Variants in PITPNM3 observed in about 807,000 individuals in gnomAD.
The protein encoded by PITPNM3 is PITPNM family member 3, also known as membrane-associated phosphatidylinositol transfer protein 3.
Under a neutral mutation model 102.0 loss-of-function variants are expected in PITPNM3, and 26 were observed. The ratio of observed to expected loss-of-function variants is 0.25; its 90% CI spans 0.19 to 0.35. The LOEUF is 0.35. Among genes scored for constraint, PITPNM3 ranks in the 10% least tolerant of loss-of-function variants. PITPNM3 has a pLI of 1.00. For missense variants in PITPNM3, 1,083 were observed against 1,346.1 expected, an observed-to-expected ratio of 0.80 and a Z score of 3.06; for synonymous variants, 578 against 558.6, an observed-to-expected ratio of 1.03 and a Z score of -0.49.
intron 2 of PITPNM3, among the ~76,000 whole-genome samples, chr17:6,530,455 A>G (rs1909082806): frequency 6.6e-6 from 1 of 152,182 alleles, no homozygotes; most frequent in African/African-American, 2.4e-5. Flanking sequence ...CCAGCTCCTC[A>G]GGCCCCAGCC....
rs1341277254 is a variant in PITPNM3 at position 6,470,504 on chromosome 17, C to T, written c.1625-96G>A. ...CCATTGCACAGACTGGTGGTGGATG[C>T]CCCACGTGGGGCACGGGTTTGGGCG... is the stretch of plus-strand genomic sequence containing the variant. On this transcript the variant is annotated intron_variant, in intron 12 of 19. Coordinates refer to ENST00000262483, the MANE Select transcript of PITPNM3 (RefSeq NM_031220.4). This position sits in a 1 kb window ranked among gnomAD's most constrained non-coding sequence, Gnocchi z 4.8. 2.6e-6 allele frequency: 4 copies of T among 1,548,066 alleles called. No individual in the cohort carries two copies. The highest frequency in any genetic ancestry group is 1.7e-4 in the Middle Eastern group (1 of 5,736).
rs56855120 is a variant in PITPNM3 at position 6,482,040 on chromosome 17, GTCTC to G, written c.587+1473_587+1476del. Among the ~76,000 whole-genome samples, 209 of 55,130 alleles carry G rather than the reference GTCTC, an allele frequency of 3.8e-3. 4 individuals carry two copies. The highest frequency in any genetic ancestry group is 0.01 in the Middle Eastern group (1 of 96). 36.2% of individuals were successfully genotyped at this position (55,130 alleles called of 152,430 possible). A position where few individuals can be genotyped will look rare whatever the true frequency, so the allele number is the denominator to read the frequency against. On this transcript the variant is annotated intron_variant, in intron 6 of 19. Coordinates refer to ENST00000262483, the MANE Select transcript of PITPNM3 (RefSeq NM_031220.4). ...TCTCTCTCTCTCTCTCTCTCTGTCTGTCTCTCTCTCTCTCTCTCTCTCTCTGTCT... is the reference window on the plus strand; with the variant it reads ...TCTCTCTCTCTCTCTCTCTCTGTCTGTCTCTCTCTCTCTCTCTCTCTGTCT...
chr17:6,477,904 A>G, intron 8 of PITPNM3, 71 bp downstream of exon 8: 1 of 1,597,846 alleles, frequency 6.3e-7, no homozygotes, highest in Non-Finnish European at 8.5e-7. Flanking sequence ...AAGAACCAGC[A>G]CTCTCTCCCC....
chr17:6,463,994 C>T (rs986520177), intron 16 of PITPNM3, 113 bp from the exon 17 acceptor site: 27 of 1,548,676 alleles, frequency 1.7e-5, no homozygotes, highest in Non-Finnish European at 2.4e-5. Flanking sequence ...GGTCAGAGAG[C>T]ACCTGGGTGG....
At chr17:6,482,128 C>A (rs1905777595) in intron 6 of PITPNM3, among the ~76,000 whole-genome samples, 1 of 149,774 alleles carries the variant, frequency 6.7e-6, no homozygotes, top group South Asian at 2.1e-4. Context: ...TGAAGAAATT[C>A]TCTGATCTCC....
At chr17:6,532,197 C>T (rs1190057383) in intron 2 of PITPNM3, among the ~76,000 whole-genome samples, 1 of 152,072 alleles carries the variant, frequency 6.6e-6, no homozygotes, top group Non-Finnish European at 1.5e-5. Flanking sequence ...CCCCTGGATT[C>T]GCAGGTGGCT....
intron 2 of PITPNM3, among the ~76,000 whole-genome samples, chr17:6,536,075 GAAAAAAAAAGAAA>G (rs914785623): frequency 1.5e-5 from 2 of 136,372 alleles, no homozygotes; most frequent in East Asian, 4.2e-4. Flanking sequence ...AAAAAAAAAG[GAAAAAAAAAGAAA>G]AAAAAAAAAG....
intron 1 of PITPNM3, among the ~76,000 whole-genome samples, chr17:6,542,725 C>T (rs1909798840): frequency 3.3e-5 from 5 of 152,078 alleles, no homozygotes; most frequent in Admixed American, 3.3e-4. Context: ...TTGTCAGCGA[C>T]AGGACCAAGG....
Position 6,471,210 on chromosome 17 carries a change from G to C in PITPNM3, c.1575C>G (p.Ser525Arg). The change falls in exon 12 of 20, where the codon AGC becomes AGG. Residue 525 changes from serine to arginine, a missense_variant. By Grantham distance (110) the Ser-to-Arg change is moderately radical. Transcript: ENST00000262483. The stretch of plus-strand genomic sequence containing the variant: ...TGCTGTCCGAGGACTCCGAGCTCTC[G>C]CTGTGGGAGCTCCCCTCGCTCATCC... ...GRRMSEGSSH[S>R]ESSESSDSMA... The C allele has an allele frequency of 6.2e-7, 1 of 1,613,284 alleles. No homozygotes were observed. Among genetic ancestry groups the C allele is most frequent in the Non-Finnish European group, 8.5e-7 (1 of 1,179,994 alleles).
In PITPNM3 at chr17:6,494,301, G is replaced by A. The variant is rs532504404; in HGVS notation, c.274+9226C>T. Reference sequence around the variant, plus strand: ...TCTTTGCTCTTACTAATCCCTTCACGCCACAGCCCTGCCTCCTCAGGGAGA... The same window carrying A: ...TCTTTGCTCTTACTAATCCCTTCACACCACAGCCCTGCCTCCTCAGGGAGA... On this transcript the variant is annotated intron_variant, in intron 4 of 19. Coordinates refer to ENST00000262483, the MANE Select transcript of PITPNM3 (RefSeq NM_031220.4). Among the ~76,000 whole-genome samples, 7 of 152,298 alleles carry A rather than the reference G, an allele frequency of 4.6e-5. No individual in the cohort carries two copies. The East Asian group carries it at 7.7e-4, about 17-fold the overall frequency.
chr17:6,488,407 C>CTATCCCA (rs1418585520), intron 4 of PITPNM3, among the ~76,000 whole-genome samples: 1 of 152,156 alleles, frequency 6.6e-6, no homozygotes, highest in Non-Finnish European at 1.5e-5. Context: ...GCAAAGATGG[C>CTATCCCA]TATCCCATAG....
chr17:6,484,959 C>T (rs548770742), intron 4 of PITPNM3, among the ~76,000 whole-genome samples: 27 of 152,160 alleles, frequency 1.8e-4, no homozygotes, highest in Middle Eastern at 3.4e-3. Context: ...CCCGCTTCTC[C>T]GGCCTTAGGA....
At chr17:6,546,138 A>T (rs1910008386) in intron 1 of PITPNM3, among the ~76,000 whole-genome samples, 1 of 152,212 alleles carries the variant, frequency 6.6e-6, no homozygotes, top group South Asian at 2.1e-4. Flanking sequence ...TGCTTCCAGA[A>T]AAAGGCATTA....
At chr17:6,539,212 G>A (rs776165441) in intron 1 of PITPNM3, among the ~76,000 whole-genome samples, 3 of 118,118 alleles carry the variant, frequency 2.5e-5, no homozygotes, top group African/African-American at 1.1e-4. Context: ...CTGATCCCCT[G>A]TCTCTACCAG....
intron 8 of PITPNM3, 40 bp from the exon 9 acceptor site, chr17:6,477,253 T>A: frequency 6.3e-7 from 1 of 1,599,814 alleles, no homozygotes; most frequent in African/African-American, 1.3e-5. Flanking sequence ...AAAAGACTGT[T>A]GTCACGGGAG....
At chr17:6,546,900 G>A (rs1910048068) in intron 1 of PITPNM3, among the ~76,000 whole-genome samples, 1 of 152,166 alleles carries the variant, frequency 6.6e-6, no homozygotes, top group Non-Finnish European at 1.5e-5. Context: ...CAGCTACTCG[G>A]GAGGCTGAGG....
At chr17:6,491,837 A>ATATATATATAT (rs61304274) in intron 4 of PITPNM3, among the ~76,000 whole-genome samples, 5 of 18,800 alleles carry the variant, frequency 2.7e-4, no homozygotes, top group South Asian at 1.1e-3. Flanking sequence ...ATATATATAT[A>ATATATATATAT]ATAAAGAATT....
chr17:6,525,003 T>A (rs1330662990), intron 3 of PITPNM3, among the ~76,000 whole-genome samples: 2 of 152,106 alleles, frequency 1.3e-5, no homozygotes, highest in African/African-American at 4.8e-5. Flanking sequence ...GCTCAAAGGC[T>A]CCTCCAACTG....
Position 6,472,594 on chromosome 17 carries a change from G to A in PITPNM3, c.1429+63C>T. 3 of 1,554,634 alleles carry A rather than the reference G, an allele frequency of 1.9e-6. No homozygotes were observed. The highest frequency in any genetic ancestry group is 2.6e-6 in the Non-Finnish European group (3 of 1,144,496). On this transcript the variant is annotated intron_variant, in intron 11 of 19. Transcript: ENST00000262483. This position sits in a 1 kb window ranked among gnomAD's most constrained non-coding sequence, Gnocchi z 4.1. Reference sequence around the variant, plus strand: ...ACCCTACTCACTGAGAGCTTGGAGGGGTTGAATGGGCTGGGGCCCCACCTC... The same window carrying A: ...ACCCTACTCACTGAGAGCTTGGAGGAGTTGAATGGGCTGGGGCCCCACCTC...
Sources: gnomAD v4.1 joint callset for allele counts (sites outside exome capture counted in the v4.1 genomes callset) on GRCh38, gnomAD v4.1.1 for gene constraint, Gnocchi (gnomAD v3.1) non-coding constraint, MANE v1.5 for transcripts, NCBI Gene and HGNC (gene_info 2026-07-23, HGNC 2026-07-21) for gene names.